QRICH1: variants seen among roughly 807,000 people sequenced by gnomAD.
QRICH1 encodes the protein glutamine rich 1.
QRICH1 carries 16 observed loss-of-function variants against 87.1 expected under a neutral mutation model. That is an observed-to-expected ratio of 0.18 (90% CI 0.12 to 0.28). QRICH1 has a LOEUF of 0.28. Ranked by LOEUF, QRICH1 falls within the 10% of genes least tolerant of loss-of-function variation. The probability of loss-of-function intolerance (pLI) is 1.00; values close to 1 mark genes in which losing one functional copy is unlikely to be tolerated. For synonymous variants in QRICH1, 367 were observed against 368.4 expected (o/e 1.00, Z 0.05); for missense variants, 647 against 951.7 (o/e 0.68, Z 4.21).
At chr3:49,048,503 C>T (rs1317504660) in intron 3 of QRICH1, among the ~76,000 whole-genome samples, 4 of 150,228 alleles carry the variant, frequency 2.7e-5, no homozygotes, top group Non-Finnish European at 5.9e-5. Flanking sequence ...AAAAAACCCA[C>T]CCTGGCCGGG....
At chr3:49,065,611 T>TG (rs1426192943) in intron 2 of QRICH1, among the ~76,000 whole-genome samples, 1 of 151,958 alleles carries the variant, frequency 6.6e-6, no homozygotes, top group East Asian at 1.9e-4. Flanking sequence ...ATTAATACAT[T>TG]GGCATTGTAA....
intron 2 of QRICH1, among the ~76,000 whole-genome samples, chr3:49,072,363 A>G (rs2041852667): frequency 2.0e-5 from 3 of 152,022 alleles, no homozygotes; most frequent in Non-Finnish European, 4.4e-5. Flanking sequence ...GGCTCTATCA[A>G]AAATACAAAA....
chr3:49,075,330 CAAA>C (rs941226226), intron 2 of QRICH1, among the ~76,000 whole-genome samples: 5 of 65,906 alleles, frequency 7.6e-5, no homozygotes, highest in Admixed American at 1.7e-4. Flanking sequence ...CCCTGTCCCT[CAAA>C]AAAAAAAAAA....
At chr3:49,074,553 C>T (rs1372001976) in intron 2 of QRICH1, among the ~76,000 whole-genome samples, 1 of 151,474 alleles carries the variant, frequency 6.6e-6, no homozygotes, top group Non-Finnish European at 1.5e-5. Flanking sequence ...GCCTGGGGGA[C>T]AGAGCGAGAC....
chr3:49,056,410 G>C (rs1305283033), intron 3 of QRICH1, among the ~76,000 whole-genome samples: 2 of 152,186 alleles, frequency 1.3e-5, no homozygotes, highest in African/African-American at 4.8e-5. Context: ...TGTGCCCAAA[G>C]ATGAAAAACA....
At chr3:49,075,652 A>G (rs2041936540) in intron 2 of QRICH1, among the ~76,000 whole-genome samples, 1 of 130,044 alleles carries the variant, frequency 7.7e-6, no homozygotes, top group Non-Finnish European at 1.8e-5. Flanking sequence ...CAAACAAACA[A>G]AAAAAAGGCT....
intron 1 of QRICH1, among the ~76,000 whole-genome samples, chr3:49,082,338 T>C (rs919357911): frequency 1.3e-5 from 2 of 152,208 alleles, no homozygotes; most frequent in African/African-American, 4.8e-5. Context: ...GTCCAGAACA[T>C]ATTTTTTGTC....
intron 5 of QRICH1, among the ~76,000 whole-genome samples, 181 bp from the exon 6 acceptor site, chr3:49,044,685 GA>G (rs1450485588): frequency 6.6e-6 from 1 of 152,116 alleles, no homozygotes; most frequent in Non-Finnish European, 1.5e-5. Context: ...TGATTCTCAT[GA>G]CATTCTTGAG....
intron 2 of QRICH1, among the ~76,000 whole-genome samples, chr3:49,058,392 T>C (rs2093415717): frequency 1.3e-5 from 2 of 152,104 alleles, no homozygotes; most frequent in Admixed American, 6.6e-5. Flanking sequence ...AGTGGTGCCA[T>C]CTCAGCTCAC....
chr3:49,051,983 T>C (rs1219075783), intron 3 of QRICH1, among the ~76,000 whole-genome samples: 2 of 152,154 alleles, frequency 1.3e-5, no homozygotes, highest in African/African-American at 2.4e-5. Context: ...GTATTGTACA[T>C]TGTGGTGTAA....
In QRICH1 at chr3:49,047,261, C is replaced by G; in HGVS notation, c.1339-15G>C. On this transcript the variant is annotated splice_polypyrimidine_tract_variant and intron_variant, in intron 3 of 9. Coordinates refer to ENST00000395443, the MANE Select transcript of QRICH1 (RefSeq NM_198880.3). ...ACAGTTTGAGCCTATAGGAGAGAAA[C>G]CATGAAAATGTGTCAATATTGTTTT... The G allele has an allele frequency of 6.3e-7, 1 of 1,594,248 alleles. No individual in the cohort carries two copies. Among genetic ancestry groups the G allele is most frequent in the Non-Finnish European group, 8.6e-7 (1 of 1,168,582 alleles).
chr3:49,057,603 C>T lies in QRICH1; in HGVS notation c.597G>A (p.Leu199=), dbSNP rs1456138713. 6.2e-7 allele frequency: 1 copy of T among 1,614,040 alleles called. No homozygotes were observed. Among genetic ancestry groups the T allele is most frequent in the Non-Finnish European group, 8.5e-7 (1 of 1,179,922 alleles). Residue 199 remains leucine, a synonymous_variant, in exon 3 of 10, where the codon CTG becomes CTA. Coordinates refer to ENST00000395443, the MANE Select transcript of QRICH1 (RefSeq NM_198880.3). The surrounding 1 kb of genome is among the most constrained non-coding windows in gnomAD (Gnocchi z 5.4). ...CACCAGCAAGAGACTGGCCAGCCAC[C>T]AGCTGAGCCTGGATTTGCTGATGTG... ...HIPHQQIQAQ[L]VAGQSLAGGQ... is the part of the protein sequence containing the mutation.
chr3:49,041,737 TCTC>T (rs2093311499), intron 6 of QRICH1, among the ~76,000 whole-genome samples: 1 of 151,738 alleles, frequency 6.6e-6, no homozygotes, highest in African/African-American at 2.4e-5. Flanking sequence ...TTCAAGCAAT[TCTC>T]CTGCCTCAGC....
At chr3:49,034,359 T>C (rs1479424414) in intron 6 of QRICH1, among the ~76,000 whole-genome samples, 1 of 151,516 alleles carries the variant, frequency 6.6e-6, no homozygotes, top group East Asian at 2.0e-4. Context: ...GGAGGATTCC[T>C]TGGGCCTGGG....
At chr3:49,042,103 CG>C (rs1282564561) in intron 6 of QRICH1, among the ~76,000 whole-genome samples, 5 of 39,842 alleles carry the variant, frequency 1.3e-4, no homozygotes, top group South Asian at 9.0e-4. Context: ...GGCGGGGGGG[CG>C]GGGGTGGCAC....
At chr3:49,091,958 G>T (rs910108067) in intron 1 of QRICH1, among the ~76,000 whole-genome samples, 3 of 151,786 alleles carry the variant, frequency 2.0e-5, no homozygotes, top group African/African-American at 7.3e-5. Context: ...TGTAATCCCA[G>T]TTACTTGGGA....
intron 1 of QRICH1, among the ~76,000 whole-genome samples, chr3:49,089,842 G>A (rs1224818218): frequency 6.6e-6 from 1 of 152,234 alleles, no homozygotes; most frequent in African/African-American, 2.4e-5. Context: ...ACAGCTGTCT[G>A]TACGGCTTGA....
At chr3:49,078,761 G>C (rs866667874) in intron 1 of QRICH1, among the ~76,000 whole-genome samples, 1 of 133,232 alleles carries the variant, frequency 7.5e-6, no homozygotes, top group Non-Finnish European at 1.5e-5. Flanking sequence ...GCAGTGGCAC[G>C]ATCTCGGCTC....
intron 2 of QRICH1, among the ~76,000 whole-genome samples, chr3:49,063,703 T>C (rs559750535): frequency 1.3e-5 from 2 of 152,284 alleles, no homozygotes; most frequent in East Asian, 1.9e-4. Flanking sequence ...GAAGGAAGAC[T>C]ACTTGAGCCC....
Sources: allele counts gnomAD v4.1 joint callset (sites outside exome capture counted in the v4.1 genomes callset), GRCh38; gene constraint gnomAD v4.1.1; non-coding constraint Gnocchi (gnomAD v3.1); transcripts MANE v1.5; gene names NCBI Gene and HGNC (gene_info 2026-07-23, HGNC 2026-07-21).